The following RPA4 variants were observed in gnomAD, a reference collection of about 807,000 sequenced individuals.
RPA4 encodes replication protein A 30 kDa subunit.
For synonymous variants in RPA4, 88 were observed against 84.4 expected, an observed-to-expected ratio of 1.04 and a Z score of -0.23; for missense variants, 229 against 215.5, an observed-to-expected ratio of 1.06 and a Z score of -0.39.
Position 96,884,572 on chromosome X carries a change from A to G in RPA4, c.262A>G (p.Asn88Asp), listed in dbSNP as rs1222876130. 8.3e-7 allele frequency: 1 copy of G among 1,211,009 alleles called. No individual in the cohort carries two copies. Among genetic ancestry groups the G allele is most frequent in the Non-Finnish European group, 1.1e-6 (1 of 895,388 alleles). Reference sequence around the variant, plus strand: ...AATCAGAGGGGCAGAGAAGGCTTCAAATCACATTTGTTACAAAATTGATGA... The same window carrying G: ...AATCAGAGGGGCAGAGAAGGCTTCAGATCACATTTGTTACAAAATTGATGA... ...GVIRGAEKAS[N>D]HICYKIDDMT... Residue 88 changes from asparagine (N) to aspartate (D), a missense_variant, in exon 1 of 1, where the codon AAT (asparagine) becomes GAT (aspartate). Physicochemically the swap from Asn to Asp is conservative, Grantham distance 23. Transcript: ENST00000373040.
rs774546053 is a variant in RPA4 at position 96,884,262 on chromosome X, C to A, written c.-49C>A. ...GAGAACTCAAAGCCGTCCGTGGAGCCCCAGACGAGCCAAAGCCCACCTTCT... is the reference window on the plus strand; with the variant it reads ...GAGAACTCAAAGCCGTCCGTGGAGCACCAGACGAGCCAAAGCCCACCTTCT... On this transcript the variant is annotated 5_prime_UTR_variant, in exon 1 of 1. Coordinates refer to ENST00000373040, the MANE Select transcript of RPA4 (RefSeq NM_013347.4). The A allele has an allele frequency of 8.8e-7, 1 of 1,130,343 alleles. No homozygotes were observed. The highest frequency in any genetic ancestry group is 2.4e-5 in the Admixed American group (1 of 42,148). 93.2% of individuals were successfully genotyped at this position (1,130,343 alleles called of 1,213,427 possible).
At position 96,884,889 on chromosome X, in the gene RPA4, C is replaced by T. The variant is rs778586646; in HGVS notation, c.579C>T (p.Asn193=). ...SPSEVNDAGD[N]DESHRNFIQD... ...CAGAAGTGAATGATGCTGGGGATAA[C>T]GATGAGAGTCACCGCAATTTCATCC... is the stretch of plus-strand genomic sequence containing the variant. Residue 193 remains asparagine (N), a synonymous_variant, in exon 1 of 1, where the codon AAC becomes AAT. Transcript: ENST00000373040. The T allele has an allele frequency of 8.3e-7, 1 of 1,210,790 alleles. No individual in the cohort carries two copies. The highest frequency in any genetic ancestry group is 1.8e-5 in the South Asian group (1 of 56,940).
chrX:96,884,228 C>A lies in RPA4; in HGVS notation c.-83C>A. 1.2e-6 allele frequency: 1 copy of A among 826,831 alleles called. No individual in the cohort carries two copies. 68.1% of individuals were successfully genotyped at this position (826,831 alleles called of 1,213,427 possible). A position where few individuals can be genotyped will look rare whatever the true frequency, so the allele number is the denominator to read the frequency against. On this transcript the variant is annotated 5_prime_UTR_variant, in exon 1 of 1. Transcript: ENST00000373040. ...GAAGCCTTCTGTGGAGAGCTCGAAG[C>A]CTTCTGTGGAGAACTCAAAGCCGTC... is the stretch of plus-strand genomic sequence containing the variant.
chrX:96,884,132 G>T lies in RPA4; in HGVS notation c.-179G>T. ...GCAGATGCATTCTGGTAGTTGATTG[G>T]TCCACAGGTAGCGTGACGCTTGTCA... On this transcript the variant is annotated 5_prime_UTR_variant, in exon 1 of 1. Coordinates refer to ENST00000373040, the MANE Select transcript of RPA4 (RefSeq NM_013347.4). 1 of 434,580 alleles carries T rather than the reference G, an allele frequency of 2.3e-6. No individual in the cohort carries two copies. The highest frequency in any genetic ancestry group is 4.0e-6 in the Non-Finnish European group (1 of 251,999). The allele number at this position is 434,580 out of a possible 1,213,427, so 35.8% of individuals were successfully genotyped here. A position where few individuals can be genotyped will look rare whatever the true frequency, so the allele number is the denominator to read the frequency against.
chrX:96,885,062 C>G lies in RPA4; in HGVS notation c.752C>G (p.Thr251Ser). The G allele has an allele frequency of 8.3e-7, 1 of 1,209,748 alleles. No homozygotes were observed. Among genetic ancestry groups the G allele is most frequent in the Non-Finnish European group, 1.1e-6 (1 of 894,230 alleles). The change falls in exon 1 of 1, where the codon ACT (threonine) becomes AGT (serine). Residue 251 changes from threonine to serine, a missense_variant. Transcript: ENST00000373040. ...YLTVEGHIYP[T>S]VDREHFKSAD ...ACCGTTGAGGGCCACATCTATCCCA[C>G]TGTGGATCGGGAGCATTTTAAGTCT...
At position 96,884,438 on chromosome X, in the gene RPA4, T is replaced by A. The variant is rs774803428; in HGVS notation, c.128T>A (p.Ile43Asn). ...AIKTQRPKVR[I>N]QDVVPCNVNQ... is the part of the protein sequence containing the mutation. ...AAGACCCAAAGACCTAAGGTCCGAA[T>A]TCAGGACGTTGTACCGTGTAATGTG... The change falls in exon 1 of 1, where the codon ATT becomes AAT. Residue 43 changes from isoleucine to asparagine, a missense_variant. Ile to Asn is a moderately radical substitution (Grantham distance 149). Transcript: ENST00000373040. The A allele has an allele frequency of 8.3e-7, 1 of 1,211,092 alleles. No homozygotes were observed. The highest frequency in any genetic ancestry group is 2.2e-5 in the Admixed American group (1 of 45,965).
chrX:96,884,636 G>A lies in RPA4; in HGVS notation c.326G>A (p.Gly109Asp), dbSNP rs2065245882. 1 of 1,210,693 alleles carries A rather than the reference G, an allele frequency of 8.3e-7. No individual in the cohort carries two copies. Among genetic ancestry groups the A allele is most frequent in the Non-Finnish European group, 1.1e-6 (1 of 895,138 alleles). Residue 109 changes from glycine to aspartate, a missense_variant, in exon 1 of 1, where the codon GGT (glycine) becomes GAT (aspartate). Transcript: ENST00000373040. ...AKPIEARQWF[G>D]REKVKQVTPL... ...CCAATCGAGGCCCGACAGTGGTTTG[G>A]TAGAGAGAAAGTCAAGCAGGTGACT...
rs2147751632 is a variant in RPA4 at position 96,884,845 on chromosome X, AGT to A, written c.539_540del (p.Val180AlafsTer9). 1 of 1,211,441 alleles carries A rather than the reference AGT, an allele frequency of 8.3e-7. No homozygotes were observed. Among genetic ancestry groups the A allele is most frequent in the East Asian group, 3.0e-5 (1 of 33,808 alleles). On this transcript the variant is annotated frameshift_variant, in exon 1 of 1. Coordinates refer to ENST00000373040, the MANE Select transcript of RPA4 (RefSeq NM_013347.4). LOFTEE classifies it low-confidence loss of function (END_TRUNC). ...AGCCCGTCGTGATACCACTGTAGAAAGTGTGCCTGTGTCTCCATCAGAAGTGA... is the reference window on the plus strand; with the variant it reads ...AGCCCGTCGTGATACCACTGTAGAAAGTGCCTGTGTCTCCATCAGAAGTGA... ...DKARRDTTVESVPVSPSEVND... is the reference protein window; with the variant it reads ...DKARRDTTVEXVPVSPSEVND...
In RPA4 at chrX:96,885,052, A is replaced by G; in HGVS notation, c.742A>G (p.Ile248Val). 1 of 1,211,063 alleles carries G rather than the reference A, an allele frequency of 8.3e-7. No homozygotes were observed. Among genetic ancestry groups the G allele is most frequent in the South Asian group, 1.8e-5 (1 of 56,932 alleles). ...AIDYLTVEGH[I>V]YPTVDREHFK... The stretch of plus-strand genomic sequence containing the variant: ...TGATTATCTGACCGTTGAGGGCCAC[A>G]TCTATCCCACTGTGGATCGGGAGCA... Residue 248 changes from isoleucine to valine, a missense_variant, in exon 1 of 1, where the codon ATC (isoleucine) becomes GTC (valine). Ile to Val is a conservative substitution (Grantham distance 29, BLOSUM62 3). Transcript: ENST00000373040.
chrX:96,884,355 T>C lies in RPA4; in HGVS notation c.45T>C (p.Ala15=). ...GGAGCTATGGCAGCATTTCTGCTGC[T>C]GATGGAGCGAGTGGAGGCAGTGACC... is the stretch of plus-strand genomic sequence containing the variant. ...GFGSYGSISA[A]DGASGGSDQL... The change falls in exon 1 of 1, where the codon GCT becomes GCC. Residue 15 remains alanine (A), a synonymous_variant. Coordinates refer to ENST00000373040, the MANE Select transcript of RPA4 (RefSeq NM_013347.4). 8.3e-7 allele frequency: 1 copy of C among 1,210,768 alleles called. No individual in the cohort carries two copies. The highest frequency in any genetic ancestry group is 1.1e-6 in the Non-Finnish European group (1 of 895,084).
Position 96,884,568 on chromosome X carries a change from T to C in RPA4, c.258T>C (p.Ala86=). The C allele has an allele frequency of 2.5e-6, 3 of 1,211,101 alleles. No homozygotes were observed. Among genetic ancestry groups the C allele is most frequent in the South Asian group, 1.8e-5 (1 of 56,896 alleles). ...GGGTAATCAGAGGGGCAGAGAAGGC[T>C]TCAAATCACATTTGTTACAAAATTG... The part of the protein sequence containing the change: ...IVGVIRGAEK[A]SNHICYKIDD... Residue 86 remains alanine (A), a synonymous_variant, in exon 1 of 1, where the codon GCT becomes GCC. Transcript: ENST00000373040.
Position 96,884,364 on chromosome X carries a change from G to A in RPA4, c.54G>A (p.Ala18=). 1.7e-6 allele frequency: 2 copies of A among 1,210,737 alleles called. No homozygotes were observed. Among genetic ancestry groups the A allele is most frequent in the Non-Finnish European group, 2.2e-6 (2 of 895,058 alleles). ...GCAGCATTTCTGCTGCTGATGGAGCGAGTGGAGGCAGTGACCAACTGTGTG... is the reference window on the plus strand; with the variant it reads ...GCAGCATTTCTGCTGCTGATGGAGCAAGTGGAGGCAGTGACCAACTGTGTG... ...SYGSISAADG[A]SGGSDQLCER... The change falls in exon 1 of 1, where the codon GCG becomes GCA. Residue 18 remains alanine (A), a synonymous_variant. Transcript: ENST00000373040.
At position 96,884,911 on chromosome X, in the gene RPA4, A is replaced by G; in HGVS notation, c.601A>G (p.Ile201Val). 8.3e-7 allele frequency: 1 copy of G among 1,211,354 alleles called. No individual in the cohort carries two copies. The highest frequency in any genetic ancestry group is 1.1e-6 in the Non-Finnish European group (1 of 895,408). Residue 201 changes from isoleucine (I) to valine (V), a missense_variant, in exon 1 of 1, where the codon ATC becomes GTC. Physicochemically the swap from Ile to Val is conservative, Grantham distance 29. Transcript: ENST00000373040. ...TAACGATGAGAGTCACCGCAATTTCATCCAGGACGAAGTGCTGCGTTTGAT... is the reference window on the plus strand; with the variant it reads ...TAACGATGAGAGTCACCGCAATTTCGTCCAGGACGAAGTGCTGCGTTTGAT... ...GDNDESHRNFIQDEVLRLIHE... is the reference protein window; with the variant it reads ...GDNDESHRNFVQDEVLRLIHE...
Position 96,885,231 on chromosome X carries a change from C to G in RPA4, c.*135C>G. 1 of 534,368 alleles carries G rather than the reference C, an allele frequency of 1.9e-6. No individual in the cohort carries two copies. The allele number at this position is 534,368 out of a possible 1,213,427, so 44.0% of individuals were successfully genotyped here. A position where few individuals can be genotyped will look rare whatever the true frequency, so the allele number is the denominator to read the frequency against. The stretch of plus-strand genomic sequence containing the variant: ...CATTCTTTGTCAACTCGCTGCTTTT[C>G]TAACTGCTTTGAACTTTTCGGATTT... On this transcript the variant is annotated 3_prime_UTR_variant, in exon 1 of 1. Coordinates refer to ENST00000373040, the MANE Select transcript of RPA4 (RefSeq NM_013347.4).
chrX:96,884,977 C>G lies in RPA4; in HGVS notation c.667C>G (p.Leu223Val), dbSNP rs199689421. 26 of 1,208,825 alleles carry G rather than the reference C, an allele frequency of 2.2e-5. No individual in the cohort carries two copies. The highest frequency in any genetic ancestry group is 2.8e-5 in the Non-Finnish European group (25 of 894,856). The change falls in exon 1 of 1, where the codon CTC becomes GTC. Residue 223 changes from leucine to valine, a missense_variant. Physicochemically the swap from Leu to Val is conservative, Grantham distance 32. Transcript: ENST00000373040. Reference protein sequence around the residue: ...PHQEGKSIHELRAQLCDLSVK... With the variant: ...PHQEGKSIHEVRAQLCDLSVK... ...TCAGGAAGGGAAGAGCATCCATGAG[C>G]TCCGGGCTCAGCTCTGCGACCTTAG...
In RPA4 at chrX:96,884,446, G is replaced by T; in HGVS notation, c.136G>T (p.Val46Phe). ...TQRPKVRIQD[V>F]VPCNVNQLLS... ...AAGACCTAAGGTCCGAATTCAGGAC[G>T]TTGTACCGTGTAATGTGAACCAGCT... Residue 46 changes from valine (V) to phenylalanine (F), a missense_variant, in exon 1 of 1, where the codon GTT becomes TTT. Transcript: ENST00000373040. 8.3e-7 allele frequency: 1 copy of T among 1,211,153 alleles called. No individual in the cohort carries two copies. The highest frequency in any genetic ancestry group is 1.1e-6 in the Non-Finnish European group (1 of 895,286).
chrX:96,884,251 G>T lies in RPA4; in HGVS notation c.-60G>T, dbSNP rs2065241526. On this transcript the variant is annotated 5_prime_UTR_variant, in exon 1 of 1. Transcript: ENST00000373040. ...AGCCTTCTGTGGAGAACTCAAAGCC[G>T]TCCGTGGAGCCCCAGACGAGCCAAA... 3 of 1,070,017 alleles carry T rather than the reference G, an allele frequency of 2.8e-6. No homozygotes were observed. Among genetic ancestry groups the T allele is most frequent in the South Asian group, 2.1e-5 (1 of 47,093 alleles). The allele number at this position is 1,070,017 out of a possible 1,213,427, so 88.2% of individuals were successfully genotyped here. A position where few individuals can be genotyped will look rare whatever the true frequency, so the allele number is the denominator to read the frequency against.
At position 96,884,910 on chromosome X, in the gene RPA4, C is replaced by G; in HGVS notation, c.600C>G (p.Phe200Leu). 1 of 1,211,248 alleles carries G rather than the reference C, an allele frequency of 8.3e-7. No individual in the cohort carries two copies. The highest frequency in any genetic ancestry group is 1.1e-6 in the Non-Finnish European group (1 of 895,348). ...ATAACGATGAGAGTCACCGCAATTTCATCCAGGACGAAGTGCTGCGTTTGA... is the reference window on the plus strand; with the variant it reads ...ATAACGATGAGAGTCACCGCAATTTGATCCAGGACGAAGTGCTGCGTTTGA... ...AGDNDESHRN[F>L]IQDEVLRLIH... The change falls in exon 1 of 1, where the codon TTC becomes TTG. Residue 200 changes from phenylalanine (F) to leucine (L), a missense_variant. Physicochemically the swap from Phe to Leu is conservative, Grantham distance 22. Coordinates refer to ENST00000373040, the MANE Select transcript of RPA4 (RefSeq NM_013347.4).
At position 96,884,099 on chromosome X, in the gene RPA4, G is replaced by T; in HGVS notation, c.-212G>T. ...GGTGAGAAGGTGGCCGACCCTGACT[G>T]GCTGGAAGCAGATGCATTCTGGTAG... On this transcript the variant is annotated 5_prime_UTR_variant, in exon 1 of 1. Coordinates refer to ENST00000373040, the MANE Select transcript of RPA4 (RefSeq NM_013347.4). The T allele has an allele frequency of 2.5e-6, 1 of 404,599 alleles. No homozygotes were observed. Among genetic ancestry groups the T allele is most frequent in the Non-Finnish European group, 4.3e-6 (1 of 233,292 alleles). 33.3% of individuals were successfully genotyped at this position (404,599 alleles called of 1,213,427 possible).
Sources: gnomAD v4.1 joint callset for allele counts on GRCh38, gnomAD v4.1.1 for gene constraint, MANE v1.5 for transcripts, NCBI Gene and HGNC (gene_info 2026-07-23, HGNC 2026-07-21) for gene names.